The following TRIM44 variants were observed in gnomAD, a reference collection of about 807,000 sequenced individuals.
TRIM44 encodes the protein tripartite motif-containing protein 44.
A neutral mutation model predicts 37.4 loss-of-function variants in TRIM44; 13 were observed. The ratio of observed to expected loss-of-function variants is 0.35; its 90% confidence interval spans 0.23 to 0.55. The LOEUF is 0.55. Among genes scored for constraint, TRIM44 ranks in the 20% least tolerant of loss-of-function variants. The pLI is 0.89. For missense variants in TRIM44, 426 were observed against 437.2 expected (o/e 0.97, Z 0.23); for synonymous variants, 175 against 157.2 (o/e 1.11, Z -0.85).
intron 2 of TRIM44, among the ~76,000 whole-genome samples, chr11:35,721,786 T>C (rs1852110617): frequency 1.3e-5 from 2 of 152,230 alleles, no homozygotes; most frequent in Non-Finnish European, 2.9e-5. Context: ...ACCGTGTTTC[T>C]AGGCTGCTGA....
At chr11:35,735,718 G>T (rs1396317437) in intron 4 of TRIM44, among the ~76,000 whole-genome samples, 1 of 151,986 alleles carries the variant, frequency 6.6e-6, no homozygotes, top group African/African-American at 2.4e-5. Flanking sequence ...ACATTTAAAT[G>T]GTAATGTAGT....
At chr11:35,740,932 T>A (rs952488992) in intron 4 of TRIM44, among the ~76,000 whole-genome samples, 1 of 152,106 alleles carries the variant, frequency 6.6e-6, no homozygotes, top group African/African-American at 2.4e-5. Context: ...TTCTAGGTAC[T>A]TTTTTTCCCC....
intron 2 of TRIM44, among the ~76,000 whole-genome samples, chr11:35,708,567 G>A (rs1383359188): frequency 6.6e-6 from 1 of 151,714 alleles, no homozygotes. Context: ...ATACACCATG[G>A]AATACTATGC....
At chr11:35,799,796 C>A (rs1336227795) in intron 4 of TRIM44, among the ~76,000 whole-genome samples, 1 of 152,124 alleles carries the variant, frequency 6.6e-6, no homozygotes, top group Non-Finnish European at 1.5e-5. Flanking sequence ...TGAGTAAGCC[C>A]TCTGTGAATA....
At position 35,792,183 on chromosome 11, in the gene TRIM44, G is replaced by A. The variant is rs1173916313; in HGVS notation, c.1008-14175G>A. 2.6e-5 allele frequency among the ~76,000 whole-genome samples: 4 copies of A among 151,548 alleles called. No homozygotes were observed. In the East Asian group the frequency reaches 7.8e-4, roughly 29 times the overall value. On this transcript the variant is annotated intron_variant, in intron 4 of 4. Coordinates refer to ENST00000299413, the MANE Select transcript of TRIM44 (RefSeq NM_017583.6). ...ATATCCACTATCTGAAATTATTTAC[G>A]TGTTTGTTGTCAACTTACTGGAAAT...
At chr11:35,798,227 A>G (rs1487327091) in intron 4 of TRIM44, among the ~76,000 whole-genome samples, 2 of 152,180 alleles carry the variant, frequency 1.3e-5, no homozygotes, top group African/African-American at 4.8e-5. Flanking sequence ...TTGGATATGC[A>G]TTTGTCTCAC....
At chr11:35,668,783 C>A (rs1851360025) in intron 1 of TRIM44, among the ~76,000 whole-genome samples, 1 of 152,168 alleles carries the variant, frequency 6.6e-6, no homozygotes, top group Non-Finnish European at 1.5e-5. Context: ...ACTATGGACT[C>A]AATTTCTTTA....
intron 2 of TRIM44, among the ~76,000 whole-genome samples, chr11:35,706,607 T>C (rs1851886870): frequency 6.6e-6 from 1 of 152,182 alleles, no homozygotes; most frequent in Non-Finnish European, 1.5e-5. Context: ...GCTGGTTCAA[T>C]ATACGCAAAT....
At chr11:35,778,363 TG>T (rs2133870242) in intron 4 of TRIM44, among the ~76,000 whole-genome samples, 1 of 152,274 alleles carries the variant, frequency 6.6e-6, no homozygotes, top group Non-Finnish European at 1.5e-5. Flanking sequence ...CATCTAACCT[TG>T]TTTCAAGGTT....
At chr11:35,783,977 A>G (rs1344076978) in intron 4 of TRIM44, among the ~76,000 whole-genome samples, 2 of 152,200 alleles carry the variant, frequency 1.3e-5, no homozygotes, top group African/African-American at 4.8e-5. Context: ...CAGTCACCCC[A>G]TCTATCAGCC....
intron 4 of TRIM44, among the ~76,000 whole-genome samples, chr11:35,764,882 T>C (rs1852773574): frequency 6.6e-6 from 1 of 152,188 alleles, no homozygotes; most frequent in Non-Finnish European, 1.5e-5. Flanking sequence ...AAATTTATTA[T>C]GCAGTATGAG....
At chr11:35,761,573 T>G (rs557652352) in intron 4 of TRIM44, among the ~76,000 whole-genome samples, 7 of 152,246 alleles carry the variant, frequency 4.6e-5, no homozygotes, top group Non-Finnish European at 1.0e-4. Context: ...CCTGTCATAA[T>G]TCCATTTAAT....
rs4397821 is a variant in TRIM44 at position 35,759,681 on chromosome 11, G to A, written c.1007+24236G>A. Among the ~76,000 whole-genome samples, 2,115 of 152,260 alleles carry A rather than the reference G, an allele frequency of 0.014. 119 individuals are homozygous for A. The East Asian group carries it at 0.14, about 10-fold the overall frequency. On this transcript the variant is annotated intron_variant, in intron 4 of 4. Transcript: ENST00000299413. ...GGTGACGTACAGATGGGGTTTTGGTGTGGATGTCCTTTCTGTTAGTTTTCC... is the reference window on the plus strand; with the variant it reads ...GGTGACGTACAGATGGGGTTTTGGTATGGATGTCCTTTCTGTTAGTTTTCC...
In TRIM44 at chr11:35,817,307, C is replaced by G. The variant is rs1853591775; in HGVS notation, c.*10922C>G. ...GAAAAGAGGGAAGAGAGTTGAGAAG[C>G]CTCACTCCCATCCCTGCTCTGCCAC... On this transcript the variant is annotated 3_prime_UTR_variant, in exon 5 of 5. Transcript: ENST00000299413. 2 of 152,158 alleles carry G rather than the reference C, an allele frequency of 1.3e-5. No individual in the cohort carries two copies. Among genetic ancestry groups the G allele is most frequent in the Admixed American group, 1.3e-4 (2 of 15,286 alleles). 9.4% of individuals were successfully genotyped at this position (152,158 alleles called of 1,614,324 possible).
At chr11:35,723,103 ATC>A (rs1187222849) in intron 2 of TRIM44, among the ~76,000 whole-genome samples, 3 of 133,898 alleles carry the variant, frequency 2.2e-5, no homozygotes, top group Non-Finnish European at 4.7e-5. Flanking sequence ...CTCTTTCTCT[ATC>A]TCTCCTTCTC....
chr11:35,742,566 AT>A (rs1852418180), intron 4 of TRIM44, among the ~76,000 whole-genome samples: 1 of 132,572 alleles, frequency 7.5e-6, no homozygotes, highest in African/African-American at 2.9e-5. Context: ...TGTATTATAT[AT>A]AATTATATTA....
intron 4 of TRIM44, among the ~76,000 whole-genome samples, chr11:35,797,559 T>C (rs918976213): frequency 7.9e-5 from 12 of 152,202 alleles, no homozygotes; most frequent in African/African-American, 2.7e-4. Context: ...TGCTGTCATA[T>C]TGATAGTATC....
intron 4 of TRIM44, among the ~76,000 whole-genome samples, chr11:35,761,930 A>G (rs1285387454): frequency 6.6e-6 from 1 of 152,254 alleles, no homozygotes; most frequent in East Asian, 1.9e-4. Context: ...CCTTGGAGAG[A>G]GTAAACTGTA....
At chr11:35,784,489 A>G (rs1403988799) in intron 4 of TRIM44, among the ~76,000 whole-genome samples, 2 of 152,216 alleles carry the variant, frequency 1.3e-5, no homozygotes, top group African/African-American at 4.8e-5. Context: ...AATATTCAGA[A>G]GTTGCCTCTT....
Sources: allele counts gnomAD v4.1 joint callset (sites outside exome capture counted in the v4.1 genomes callset), GRCh38; gene constraint gnomAD v4.1.1; transcripts MANE v1.5; gene names NCBI Gene and HGNC (gene_info 2026-07-23, HGNC 2026-07-21).